The following MINAR1 variants were observed in gnomAD, a reference collection of about 807,000 sequenced individuals.
The protein encoded by MINAR1 is membrane integral NOTCH2 associated receptor 1.
Under a neutral mutation model 65.1 loss-of-function variants are expected in MINAR1, and 40 were observed. That is an observed-to-expected ratio of 0.61 (90% confidence interval 0.48 to 0.80). The LOEUF is 0.80. Ranked by LOEUF, MINAR1 falls within the 30% of genes least tolerant of loss-of-function variation. MINAR1 has a pLI of 0.00. For missense variants in MINAR1, 1,128 were observed against 1,148.0 expected (o/e 0.98, Z 0.25); for synonymous variants, 482 against 449.1 (o/e 1.07, Z -0.93).
chr15:79,465,237 C>G (rs1895795667), intron 3 of MINAR1, among the ~76,000 whole-genome samples: 1 of 152,162 alleles, frequency 6.6e-6, no homozygotes, highest in Non-Finnish European at 1.5e-5. Context: ...ACCTTGAGAG[C>G]TTGGTGAAGG....
chr15:79,429,008 GAAGA>G (rs1168065425), upstream of MINAR1, among the ~76,000 whole-genome samples: 1 of 152,176 alleles, frequency 6.6e-6, no homozygotes. Context: ...AAGGAGAGAT[GAAGA>G]AAGATGTGTG....
chr15:79,463,027 A>G, intron 2 of MINAR1, 40 bp from the exon 3 acceptor site: 12 of 1,580,662 alleles, frequency 7.6e-6, no homozygotes, highest in African/African-American at 1.3e-5. Flanking sequence ...TCCAAGGGCA[A>G]CTGTGCCACT....
rs1350494445 is a variant in MINAR1 at position 79,470,365 on chromosome 15, C to T, written c.*1981C>T. ...CATATTGTAGCCCCACTATTCTCCT[C>T]TTTATCACAGATGAAGTGCCAGAGC... is the stretch of plus-strand genomic sequence containing the variant. On this transcript the variant is annotated 3_prime_UTR_variant, in exon 4 of 4. Coordinates refer to ENST00000305428, the MANE Select transcript of MINAR1 (RefSeq NM_015206.3). 3.9e-5 allele frequency: 6 copies of T among 152,280 alleles called. No individual in the cohort carries two copies. The highest frequency in any genetic ancestry group is 2.9e-5 in the Non-Finnish European group (2 of 68,040). The allele number at this position is 152,280 out of a possible 1,614,324, so 9.4% of individuals were successfully genotyped here.
chr15:79,450,497 A>T (rs893603899), intron 1 of MINAR1, among the ~76,000 whole-genome samples: 1 of 151,952 alleles, frequency 6.6e-6, no homozygotes, highest in African/African-American at 2.4e-5. Context: ...GGCTTTCAGA[A>T]CTTTTCATGG....
At chr15:79,462,631 AC>A (rs1265524302) in intron 2 of MINAR1, among the ~76,000 whole-genome samples, 4 of 151,958 alleles carry the variant, frequency 2.6e-5, no homozygotes, top group Non-Finnish European at 4.4e-5. Flanking sequence ...ACTCATCTGT[AC>A]CCCGTGCAAA....
At chr15:79,450,682 G>A (rs1005454444) in intron 1 of MINAR1, among the ~76,000 whole-genome samples, 18 of 152,178 alleles carry the variant, frequency 1.2e-4, no homozygotes, top group African/African-American at 4.3e-4. Context: ...TTTTTATAAT[G>A]AGAAACTAAA....
At chr15:79,451,605 C>T (rs1895204636) in intron 1 of MINAR1, among the ~76,000 whole-genome samples, 1 of 151,642 alleles carries the variant, frequency 6.6e-6, no homozygotes, top group Non-Finnish European at 1.5e-5. Flanking sequence ...CCAGTCTGGC[C>T]TCATGATTTT....
intron 1 of MINAR1, among the ~76,000 whole-genome samples, chr15:79,432,871 C>T (rs1221310142): frequency 6.6e-6 from 1 of 152,180 alleles, no homozygotes; most frequent in Non-Finnish European, 1.5e-5. Context: ...GGTTGAGCAT[C>T]GCTTCAGGAA....
intron 2 of MINAR1, among the ~76,000 whole-genome samples, chr15:79,460,821 C>T (rs1595951299): frequency 6.6e-6 from 1 of 152,358 alleles, no homozygotes; most frequent in African/African-American, 2.4e-5. Flanking sequence ...CTGGACCCTG[C>T]TCTACCTTGA....
In MINAR1 at chr15:79,457,045, T is replaced by C. The variant is rs1292061233; in HGVS notation, c.898T>C (p.Phe300Leu). 1 of 1,613,934 alleles carries C rather than the reference T, an allele frequency of 6.2e-7. No homozygotes were observed. The highest frequency in any genetic ancestry group is 8.5e-7 in the Non-Finnish European group (1 of 1,179,972). ...SRKEPHKPPF[F>L]NHSFEMPYNS... ...AAAGGAACCCCACAAGCCACCCTTCTTCAACCACAGCTTTGAAATGCCCTA... is the reference window on the plus strand; with the variant it reads ...AAAGGAACCCCACAAGCCACCCTTCCTCAACCACAGCTTTGAAATGCCCTA... Residue 300 changes from phenylalanine (F) to leucine (L), a missense_variant, in exon 2 of 4, where the codon TTC becomes CTC. Coordinates refer to ENST00000305428, the MANE Select transcript of MINAR1 (RefSeq NM_015206.3).
intron 3 of MINAR1, among the ~76,000 whole-genome samples, chr15:79,467,814 C>A (rs1263656081): frequency 6.6e-6 from 1 of 152,202 alleles, no homozygotes; most frequent in East Asian, 1.9e-4. Flanking sequence ...TGGAAGAAAG[C>A]ATTTTTCAGT....
intron 1 of MINAR1, among the ~76,000 whole-genome samples, chr15:79,448,467 A>G (rs1895083048): frequency 6.6e-6 from 1 of 152,216 alleles, no homozygotes; most frequent in South Asian, 2.1e-4. Flanking sequence ...GCTTCCTTTT[A>G]TAGTTTCACC....
intron 1 of MINAR1, among the ~76,000 whole-genome samples, chr15:79,449,920 A>T (rs570245841): frequency 2.0e-5 from 3 of 148,982 alleles, no homozygotes; most frequent in South Asian, 2.2e-4. Flanking sequence ...ACCATCAAAC[A>T]CTCCCCTCCT....
At chr15:79,432,094 C>T (rs1198134656), upstream of MINAR1, among the ~76,000 whole-genome samples, 1 of 152,082 alleles carries the variant, frequency 6.6e-6, no homozygotes, top group Non-Finnish European at 1.5e-5. Context: ...GCGCTGCTCC[C>T]AGCCTGCAAG....
chr15:79,457,205 G>A lies in MINAR1; in HGVS notation c.1058G>A (p.Arg353His), dbSNP rs759166980. 22 of 1,613,942 alleles carry A rather than the reference G, an allele frequency of 1.4e-5. No homozygotes were observed. The highest frequency in any genetic ancestry group is 1.6e-4 in the Middle Eastern group (1 of 6,084). Residue 353 changes from arginine (R) to histidine (H), a missense_variant, in exon 2 of 4, where the codon CGC (arginine) becomes CAC (histidine). Coordinates refer to ENST00000305428, the MANE Select transcript of MINAR1 (RefSeq NM_015206.3). ...TPVMGTQEAR[R>H]CLGKPNKQTP... ...GTGATGGGAACCCAAGAAGCCAGGC[G>A]CTGTCTAGGGAAGCCCAACAAGCAG...
chr15:79,458,552 T>A (rs1487242403), intron 2 of MINAR1, 107 bp downstream of exon 2: 2 of 1,340,454 alleles, frequency 1.5e-6, no homozygotes, highest in African/African-American at 3.0e-5. Flanking sequence ...CTGGCCTCTG[T>A]GTGCCAGTCA....
the MINAR1 span, chr15:79,417,681 C>T: frequency 1.3e-5 from 2 of 152,208 alleles, no homozygotes; most frequent in African/African-American, 2.4e-5. Context: ...GTTTGATCCC[C>T]TCTGCAGTGT....
chr15:79,436,535 C>T (rs1326277886), intron 1 of MINAR1, among the ~76,000 whole-genome samples: 2 of 152,046 alleles, frequency 1.3e-5, no homozygotes, highest in African/African-American at 4.8e-5. Flanking sequence ...CAGAATTGTC[C>T]ATTAAAAGCC....
chr15:79,418,393 T>G, the MINAR1 span: 1 of 152,240 alleles, frequency 6.6e-6, no homozygotes, highest in East Asian at 1.9e-4. Flanking sequence ...AAAACACCGC[T>G]GTGAAGATTG....
Sources: gnomAD v4.1 joint callset for allele counts (sites outside exome capture counted in the v4.1 genomes callset) on GRCh38, gnomAD v4.1.1 for gene constraint, MANE v1.5 for transcripts, NCBI Gene and HGNC (gene_info 2026-07-23, HGNC 2026-07-21) for gene names.